The following PLEKHH2 variants were observed in gnomAD, a reference collection of about 807,000 sequenced individuals.
The protein encoded by PLEKHH2 is pleckstrin homology, MyTH4 and FERM domain containing H2, also known as pleckstrin homology domain-containing family H member 2.
Under a neutral mutation model 187.9 loss-of-function variants are expected in PLEKHH2, and 129 were observed. That is an observed-to-expected ratio of 0.69 (90% CI 0.59 to 0.79). The LOEUF (loss-of-function observed/expected upper bound fraction) is 0.79, where lower values mean the gene tolerates loss of function less well. Among genes scored for constraint, PLEKHH2 ranks in the 30% least tolerant of loss-of-function variants. The pLI is 0.00. For missense variants in PLEKHH2, 2,076 were observed against 1,751.2 expected (o/e 1.19, Z -3.31); for synonymous variants, 686 against 605.6 (o/e 1.13, Z -1.95).
At chr2:43,695,070 T>A (rs747128829) in intron 5 of PLEKHH2, 73 bp from the exon 6 acceptor site, 2 of 756,904 alleles carry the variant, frequency 2.6e-6, no homozygotes, top group Non-Finnish European at 3.9e-6. Flanking sequence ...TAACATTTTC[T>A]AATATTATAA....
intron 25 of PLEKHH2, 77 bp downstream of exon 25, chr2:43,753,837 A>T: frequency 8.7e-7 from 1 of 1,155,178 alleles, no homozygotes; most frequent in Non-Finnish European, 1.2e-6. Flanking sequence ...ACGTAAAATA[A>T]TATACTTCAA....
At chr2:43,762,911 G>C (rs1277864578) in intron 28 of PLEKHH2, among the ~76,000 whole-genome samples, 2 of 152,102 alleles carry the variant, frequency 1.3e-5, no homozygotes, top group African/African-American at 4.8e-5. Context: ...TATTTCATGT[G>C]TCTAATTATT....
At chr2:43,689,888 A>G (rs918180155) in intron 3 of PLEKHH2, among the ~76,000 whole-genome samples, 4 of 152,222 alleles carry the variant, frequency 2.6e-5, no homozygotes, top group Non-Finnish European at 5.9e-5. Flanking sequence ...TTTCAGGTCT[A>G]TAGACCTTTC....
intron 2 of PLEKHH2, among the ~76,000 whole-genome samples, chr2:43,673,633 A>G (rs1375504048): frequency 2.0e-5 from 3 of 152,218 alleles, no homozygotes; most frequent in South Asian, 2.1e-4. Context: ...AAAAATTTCT[A>G]TGTAACTATT....
chr2:43,750,206 C>G (rs1300973371), intron 24 of PLEKHH2, among the ~76,000 whole-genome samples: 1 of 152,238 alleles, frequency 6.6e-6, no homozygotes, highest in Non-Finnish European at 1.5e-5. Flanking sequence ...GGCACCGTGG[C>G]TCACGCCTGT....
At chr2:43,730,071 C>A (rs867501596) in intron 18 of PLEKHH2, among the ~76,000 whole-genome samples, 4 of 152,166 alleles carry the variant, frequency 2.6e-5, no homozygotes, top group South Asian at 2.1e-4. Flanking sequence ...CAGCCCTCTG[C>A]AGCTCAGCAT....
At chr2:43,721,792 T>A (rs1670494389) in intron 16 of PLEKHH2, among the ~76,000 whole-genome samples, 1 of 152,080 alleles carries the variant, frequency 6.6e-6, no homozygotes, top group Non-Finnish European at 1.5e-5. Context: ...AGATCAAGGT[T>A]GGAGGCTCAC....
intron 3 of PLEKHH2, chr2:43,679,494 C>CTTTTTTTT: frequency 4.0e-6 from 1 of 252,822 alleles, no homozygotes; most frequent in Non-Finnish European, 7.4e-6. Context: ...GATTTTTTCC[C>CTTTTTTTT]TTTTTTTTTT....
intron 2 of PLEKHH2, among the ~76,000 whole-genome samples, chr2:43,670,275 C>T (rs770362864): frequency 2.6e-5 from 4 of 152,106 alleles, no homozygotes; most frequent in South Asian, 2.1e-4. Flanking sequence ...CCAAGGACTT[C>T]GTATTAAGCA....
In PLEKHH2 at chr2:43,659,246, C is replaced by T. The variant is rs1345685999; in HGVS notation, c.123+14450C>T. ...GGGCTCAAGCCATCTATCTGCCTGCCTCAGCCTCCCAAAGTGTTGGGATTA... is the reference window on the plus strand; with the variant it reads ...GGGCTCAAGCCATCTATCTGCCTGCTTCAGCCTCCCAAAGTGTTGGGATTA... On this transcript the variant is annotated intron_variant, in intron 2 of 29. Transcript: ENST00000282406. Among the ~76,000 whole-genome samples the T allele has an allele frequency of 4.6e-5, 7 of 151,812 alleles. No individual in the cohort carries two copies. The East Asian group carries it at 1.4e-3, about 29-fold the overall frequency.
intron 2 of PLEKHH2, among the ~76,000 whole-genome samples, chr2:43,653,818 T>G (rs1383918148): frequency 6.6e-6 from 1 of 151,342 alleles, no homozygotes; most frequent in Non-Finnish European, 1.5e-5. Flanking sequence ...TAAAAGACAT[T>G]TAACTCTAGG....
At chr2:43,735,771 T>G (rs1671263304) in intron 19 of PLEKHH2, among the ~76,000 whole-genome samples, 1 of 152,200 alleles carries the variant, frequency 6.6e-6, no homozygotes, top group Admixed American at 6.5e-5. Flanking sequence ...GGATTTATTC[T>G]AGGAAATCAA....
In PLEKHH2 at chr2:43,745,997, A is replaced by C. The variant is rs925926787; in HGVS notation, c.3653+34A>C. 7 of 1,396,942 alleles carry C rather than the reference A, an allele frequency of 5.0e-6. No homozygotes were observed. The African/African-American group carries it at 1.0e-4, about 20-fold the overall frequency. 86.5% of individuals were successfully genotyped at this position (1,396,942 alleles called of 1,614,324 possible). ...TACTGCATCCAGATGCCAAAGTATGAGTATACAATATGTTCTAATAATGCA... is the reference window on the plus strand; with the variant it reads ...TACTGCATCCAGATGCCAAAGTATGCGTATACAATATGTTCTAATAATGCA... On this transcript the variant is annotated intron_variant, in intron 24 of 29. Transcript: ENST00000282406.
Position 43,697,077 on chromosome 2 carries a change from G to T in PLEKHH2, c.503-94G>T, listed in dbSNP as rs1046046579. On this transcript the variant is annotated intron_variant, in intron 6 of 29. Transcript: ENST00000282406. ...CTTTAGGCTTTTTTTCTGGCATAAA[G>T]AGTGATTTGTTCAAGTTTTTATATG... The T allele has an allele frequency of 3.9e-6, 4 of 1,024,476 alleles. No individual in the cohort carries two copies. In the African/African-American group the frequency reaches 6.5e-5, roughly 17 times the overall value. 63.5% of individuals were successfully genotyped at this position (1,024,476 alleles called of 1,614,324 possible).
chr2:43,746,372 A>G (rs778099388), intron 24 of PLEKHH2, among the ~76,000 whole-genome samples: 49 of 152,228 alleles, frequency 3.2e-4, no homozygotes, highest in Admixed American at 2.0e-3. Flanking sequence ...TTAGCCAGGC[A>G]TGGTGGCATG....
At chr2:43,736,057 G>GTTA (rs201336807) in intron 19 of PLEKHH2, among the ~76,000 whole-genome samples, 5 of 151,800 alleles carry the variant, frequency 3.3e-5, no homozygotes, top group African/African-American at 7.3e-5. Context: ...CATAAAGTTT[G>GTTA]TTATTATTAT....
At position 43,767,985 on chromosome 2, in the gene PLEKHH2, C is replaced by T. The variant is rs1558646472; in HGVS notation, c.*2387C>T. ...AGTCATAATAAATGATTTACAAAAC[C>T]CATTTTGAGCATTATCTTTTGAATA... On this transcript the variant is annotated 3_prime_UTR_variant, in exon 30 of 30. Transcript: ENST00000282406. 2 of 152,482 alleles carry T rather than the reference C, an allele frequency of 1.3e-5. No individual in the cohort carries two copies. Among genetic ancestry groups the T allele is most frequent in the African/African-American group, 4.8e-5 (2 of 41,364 alleles). The allele number at this position is 152,482 out of a possible 1,614,324, so 9.4% of individuals were successfully genotyped here.
Position 43,699,883 on chromosome 2 carries a change from C to A in PLEKHH2, c.925C>A (p.His309Asn). Residue 309 changes from histidine (H) to asparagine (N), a missense_variant, in exon 8 of 30, where the codon CAC (histidine) becomes AAC (asparagine). Physicochemically the swap from His to Asn is moderately conservative, Grantham distance 68. Coordinates refer to ENST00000282406, the MANE Select transcript of PLEKHH2 (RefSeq NM_172069.4). ...KSRCTSTLSSHTSEEGVQCSR... is the reference protein window; with the variant it reads ...KSRCTSTLSSNTSEEGVQCSR... ...CAGATGCACATCCACCCTCTCCAGTCACACATCTGAGGAAGGGGTCCAGTG... is the reference window on the plus strand; with the variant it reads ...CAGATGCACATCCACCCTCTCCAGTAACACATCTGAGGAAGGGGTCCAGTG... The A allele has an allele frequency of 6.2e-7, 1 of 1,614,054 alleles. No individual in the cohort carries two copies. The highest frequency in any genetic ancestry group is 1.1e-5 in the South Asian group (1 of 91,044).
intron 2 of PLEKHH2, among the ~76,000 whole-genome samples, chr2:43,678,493 C>T (rs1289485202): frequency 1.3e-5 from 2 of 152,184 alleles, no homozygotes; most frequent in African/African-American, 2.4e-5. Flanking sequence ...AGATCACTCG[C>T]GGTTAGGAGC....
Sources: gnomAD v4.1 joint callset for allele counts (sites outside exome capture counted in the v4.1 genomes callset) on GRCh38, gnomAD v4.1.1 for gene constraint, MANE v1.5 for transcripts, NCBI Gene and HGNC (gene_info 2026-07-23, HGNC 2026-07-21) for gene names.